AGTPBP1: variants seen among roughly 807,000 people sequenced by gnomAD.
The protein encoded by AGTPBP1 is cytosolic carboxypeptidase 1.
In AGTPBP1, 70 loss-of-function variants were observed where a neutral mutation model predicts 143.9. The observed-to-expected ratio is 0.49, with a 90% CI of 0.40 to 0.59. The LOEUF (loss-of-function observed/expected upper bound fraction) is 0.59, where lower values mean the gene tolerates loss of function less well. AGTPBP1 is among the 20% of genes least tolerant of loss of function. AGTPBP1 has a pLI of 0.00. For missense variants in AGTPBP1, 1,229 were observed against 1,464.5 expected, an observed-to-expected ratio of 0.84 and a Z score of 2.62; for synonymous variants, 463 against 500.2, an observed-to-expected ratio of 0.93 and a Z score of 0.99.
At chr9:85,688,578 A>G (rs1003120233) in intron 3 of AGTPBP1, among the ~76,000 whole-genome samples, 11 of 152,242 alleles carry the variant, frequency 7.2e-5, no homozygotes, top group Admixed American at 2.6e-4. Flanking sequence ...CCTACTCTAT[A>G]GAAACTAAAA....
chr9:85,765,755 T>C, the AGTPBP1 span, among the ~76,000 whole-genome samples: 1 of 152,162 alleles, frequency 6.6e-6, no homozygotes, highest in Non-Finnish European at 1.5e-5. Context: ...TACACAGTGG[T>C]GAATCTTGTA....
intron 19 of AGTPBP1, among the ~76,000 whole-genome samples, chr9:85,590,043 A>C (rs1437720429): frequency 1.3e-5 from 2 of 152,246 alleles, no homozygotes; most frequent in East Asian, 1.9e-4. Flanking sequence ...TGGTTTTCAA[A>C]GCCTTTTGAG....
At chr9:85,701,797 A>T (rs77444615) in intron 2 of AGTPBP1, among the ~76,000 whole-genome samples, 5,105 of 152,306 alleles carry the variant, frequency 0.034, 150 homozygotes, top group East Asian at 0.12. Flanking sequence ...CAATAGGTCA[A>T]TTAGGAAAGG....
the AGTPBP1 span, among the ~76,000 whole-genome samples, chr9:85,760,410 G>C: frequency 0.028 from 4,326 of 152,252 alleles, 209 homozygotes; most frequent in African/African-American, 0.099. Context: ...ACATCAAAAA[G>C]CTTATCCACC....
At chr9:85,763,620 G>A in the AGTPBP1 span, among the ~76,000 whole-genome samples, 1 of 151,710 alleles carries the variant, frequency 6.6e-6, no homozygotes, top group Non-Finnish European at 1.5e-5. Flanking sequence ...ACTTATATTG[G>A]GAGAATGGAG....
the AGTPBP1 span, among the ~76,000 whole-genome samples, chr9:85,795,714 G>C: frequency 7.2e-5 from 11 of 152,058 alleles, no homozygotes; most frequent in Admixed American, 2.6e-4. Flanking sequence ...CATGGTATTT[G>C]GTATTCTGGT....
At chr9:85,672,467 G>A (rs1834546808) in intron 7 of AGTPBP1, 83 bp downstream of exon 7, 18 of 1,425,052 alleles carry the variant, frequency 1.3e-5, no homozygotes, top group Non-Finnish European at 1.6e-5. Flanking sequence ...AAATATCAGA[G>A]GTTTACAGAA....
intron 1 of AGTPBP1, chr9:85,741,439 G>A: frequency 1.0e-6 from 1 of 985,282 alleles, no homozygotes; most frequent in Non-Finnish European, 1.2e-6. Flanking sequence ...GGGCCCGAGA[G>A]AAAGGGCTGA....
At chr9:85,785,203 G>A in the AGTPBP1 span, among the ~76,000 whole-genome samples, 5 of 152,072 alleles carry the variant, frequency 3.3e-5, no homozygotes, top group African/African-American at 4.8e-5. Context: ...GCGTGGTGGC[G>A]GGCGCCTGTA....
At chr9:85,622,869 A>T (rs1224151832) in intron 14 of AGTPBP1, among the ~76,000 whole-genome samples, 1 of 152,248 alleles carries the variant, frequency 6.6e-6, no homozygotes, top group Non-Finnish European at 1.5e-5. Context: ...TAAGTGGTCA[A>T]GTATGGGTGA....
intron 25 of AGTPBP1, among the ~76,000 whole-genome samples, chr9:85,572,129 C>T (rs1461924584): frequency 4.7e-5 from 7 of 147,886 alleles, no homozygotes; most frequent in African/African-American, 9.9e-5. Context: ...TGGGTTCAAG[C>T]GATTCTCCTG....
chr9:85,649,806 G>C (rs1473480377), intron 11 of AGTPBP1, among the ~76,000 whole-genome samples: 1 of 151,940 alleles, frequency 6.6e-6, no homozygotes, highest in East Asian at 1.9e-4. Context: ...TTGTCCCTTT[G>C]ATCTACTGAT....
chr9:85,686,132 CAAA>C (rs1835471281), intron 3 of AGTPBP1, among the ~76,000 whole-genome samples: 1 of 151,242 alleles, frequency 6.6e-6, no homozygotes, highest in African/African-American at 2.4e-5. Context: ...GTTAACAGAC[CAAA>C]TGCTCAAATT....
At chr9:85,639,636 G>T (rs1324079050) in intron 13 of AGTPBP1, among the ~76,000 whole-genome samples, 1 of 151,870 alleles carries the variant, frequency 6.6e-6, no homozygotes, top group Non-Finnish European at 1.5e-5. Context: ...GAATAACTTT[G>T]ACAAAAATTT....
At chr9:85,561,344 T>C (rs372652473) in intron 25 of AGTPBP1, among the ~76,000 whole-genome samples, 16 of 148,114 alleles carry the variant, frequency 1.1e-4, no homozygotes, top group African/African-American at 3.5e-4. Flanking sequence ...GCCAAGATCA[T>C]GCCACTGCAC....
chr9:85,747,999 C>T, the AGTPBP1 span, among the ~76,000 whole-genome samples: 5 of 151,992 alleles, frequency 3.3e-5, no homozygotes, highest in African/African-American at 9.7e-5. Context: ...AAATTATCCT[C>T]CTTCAACCTT....
the AGTPBP1 span, among the ~76,000 whole-genome samples, chr9:85,753,777 G>C: frequency 6.8e-6 from 1 of 146,626 alleles, no homozygotes; most frequent in Non-Finnish European, 1.5e-5. Context: ...TAGATAGATA[G>C]ATAGATAGAT....
chr9:85,693,405 C>T (rs897371840), intron 2 of AGTPBP1, among the ~76,000 whole-genome samples: 1 of 152,190 alleles, frequency 6.6e-6, no homozygotes, highest in African/African-American at 2.4e-5. Context: ...TGAGACCAGC[C>T]TGGCCAACAT....
At chr9:85,584,406 G>C (rs1426782523) in intron 23 of AGTPBP1, among the ~76,000 whole-genome samples, 1 of 151,886 alleles carries the variant, frequency 6.6e-6, no homozygotes, top group Non-Finnish European at 1.5e-5. Context: ...CCTTTATTTT[G>C]GCAAGAATGT....
Sources: allele counts gnomAD v4.1 joint callset (sites outside exome capture counted in the v4.1 genomes callset), GRCh38; gene constraint gnomAD v4.1.1; transcripts MANE v1.5; gene names NCBI Gene and HGNC (gene_info 2026-07-23, HGNC 2026-07-21).